The following EIF4G3 variants were observed in gnomAD, a reference collection of about 807,000 sequenced individuals.
The protein encoded by EIF4G3 is eIF-4-gamma 3.
A neutral mutation model predicts 186.4 loss-of-function variants in EIF4G3; 34 were observed. That is an observed-to-expected ratio of 0.18 (90% CI 0.14 to 0.24). The LOEUF is 0.24. EIF4G3 is among the 10% of genes least tolerant of loss of function. The pLI, the probability that EIF4G3 is intolerant of heterozygous loss-of-function variation, is 1.00. For missense variants in EIF4G3, 1,536 were observed against 1,948.5 expected (o/e 0.79, Z 3.99); for synonymous variants, 673 against 679.5 (o/e 0.99, Z 0.15).
chr1:20,854,708 A>AATAT (rs1553222575), intron 26 of EIF4G3, among the ~76,000 whole-genome samples: 3 of 144,358 alleles, frequency 2.1e-5, no homozygotes, highest in Non-Finnish European at 4.5e-5. Context: ...CCATCTCAAA[A>AATAT]ATATATAAAT....
chr1:20,888,690 T>C (rs932817301), intron 18 of EIF4G3, among the ~76,000 whole-genome samples: 3 of 152,146 alleles, frequency 2.0e-5, no homozygotes, highest in Admixed American at 1.3e-4. Context: ...GAAAACATTA[T>C]TGTGATTATA....
chr1:20,863,378 TAAAAAAAAAA>T (rs3051243), intron 22 of EIF4G3, among the ~76,000 whole-genome samples: 63,249 of 102,552 alleles, frequency 0.62, 17,114 homozygotes, highest in East Asian at 0.89. Flanking sequence ...CTACAAAAAG[TAAAAAAAAAA>T]AAAAAAAAAA....
chr1:20,868,315 C>T (rs184064275), intron 20 of EIF4G3, among the ~76,000 whole-genome samples: 113 of 151,878 alleles, frequency 7.4e-4, no homozygotes, highest in African/African-American at 2.3e-3. Flanking sequence ...CTGAAAGCTG[C>T]GAAGTCCAAA....
chr1:21,154,424 C>T (rs1185320765), intron 2 of EIF4G3, among the ~76,000 whole-genome samples: 3 of 152,174 alleles, frequency 2.0e-5, no homozygotes, highest in African/African-American at 7.2e-5. Context: ...GCAAAACAAC[C>T]TGCAACATTC....
intron 2 of EIF4G3, among the ~76,000 whole-genome samples, chr1:21,112,788 A>G (rs1396980639): frequency 6.6e-6 from 1 of 152,204 alleles, no homozygotes; most frequent in Non-Finnish European, 1.5e-5. Context: ...TTTTCAGCAC[A>G]TTCTATGTTC....
chr1:20,921,354 C>G (rs1318298125), intron 14 of EIF4G3, among the ~76,000 whole-genome samples: 1 of 152,112 alleles, frequency 6.6e-6, no homozygotes, highest in African/African-American at 2.4e-5. Context: ...CAAGGTTAGG[C>G]AAAGAGAAAA....
At chr1:21,039,629 C>A (rs2154574879) in intron 4 of EIF4G3, among the ~76,000 whole-genome samples, 1 of 152,268 alleles carries the variant, frequency 6.6e-6, no homozygotes, top group Admixed American at 6.5e-5. Context: ...ACACCCTGAA[C>A]TCCAGACTGG....
chr1:21,105,921 G>C (rs903087188), intron 2 of EIF4G3, among the ~76,000 whole-genome samples: 3 of 152,158 alleles, frequency 2.0e-5, no homozygotes, highest in African/African-American at 7.2e-5. Flanking sequence ...TAAAAAATTA[G>C]CTGGGCATGG....
At chr1:20,815,577 C>T (rs1345636682) in intron 34 of EIF4G3, among the ~76,000 whole-genome samples, 1 of 151,952 alleles carries the variant, frequency 6.6e-6, no homozygotes, top group East Asian at 1.9e-4. Context: ...GGGAGCCCCT[C>T]CGTCCGGCAG....
chr1:21,062,572 T>C (rs961376615), intron 3 of EIF4G3, among the ~76,000 whole-genome samples: 5 of 152,052 alleles, frequency 3.3e-5, no homozygotes, highest in Admixed American at 6.5e-5. Context: ...TCCACAGATA[T>C]AGATATAGAT....
chr1:20,895,342 T>C, intron 17 of EIF4G3, 26 bp downstream of exon 17: 1 of 1,600,366 alleles, frequency 6.2e-7, no homozygotes, highest in South Asian at 1.1e-5. Flanking sequence ...CAAAAAGAAC[T>C]AGTTTTCTCT....
chr1:21,107,905 T>TG (rs1360032291), intron 2 of EIF4G3, among the ~76,000 whole-genome samples: 2 of 152,234 alleles, frequency 1.3e-5, no homozygotes, highest in African/African-American at 4.8e-5. Flanking sequence ...CCCAGAACTT[T>TG]GGGAGGCCAA....
Position 21,118,557 on chromosome 1 carries a change from C to T in EIF4G3, c.-271-29344G>A, listed in dbSNP as rs532809402. Among the ~76,000 whole-genome samples, 10 of 152,130 alleles carry T rather than the reference C, an allele frequency of 6.6e-5. 1 individual carries two copies. In the South Asian group the frequency reaches 1.5e-3, roughly 22 times the overall value. On this transcript the variant is annotated intron_variant, in intron 2 of 36. Transcript: ENST00000602326. ...AACCCAACACTTTGGGAGGCGGAGG[C>T]GGGCAGATCACTAAGGTCAGGAGCT...
At position 21,137,388 on chromosome 1, in the gene EIF4G3, C is replaced by T. The variant is rs183261307; in HGVS notation, c.-272+38787G>A. 1.9e-3 allele frequency among the ~76,000 whole-genome samples: 284 copies of T among 152,134 alleles called. 2 individuals are homozygous for T. The highest frequency in any genetic ancestry group is 0.014 in the Middle Eastern group (4 of 294). Reference sequence around the variant, plus strand: ...CTCAAACTCTGGCTTCAAGCGATCCCGCCTCAGCCTCCAAATTGTTGGATT... The same window carrying T: ...CTCAAACTCTGGCTTCAAGCGATCCTGCCTCAGCCTCCAAATTGTTGGATT... On this transcript the variant is annotated intron_variant, in intron 2 of 36. Transcript: ENST00000602326.
In EIF4G3 at chr1:20,853,575, C is replaced by T. The variant is rs368417199; in HGVS notation, c.3536G>A (p.Arg1179Gln). 27 of 1,612,770 alleles carry T rather than the reference C, an allele frequency of 1.7e-5. No individual in the cohort carries two copies. The highest frequency in any genetic ancestry group is 2.2e-5 in the Non-Finnish European group (26 of 1,179,048). Reference sequence around the variant, plus strand: ...GGGTTCTCACCTAGTTAAGGTCCTTCGGGAATCAAACTCTACAGGCGTGGA... The same window carrying T: ...GGGTTCTCACCTAGTTAAGGTCCTTTGGGAATCAAACTCTACAGGCGTGGA... ...TPSTPVEFDS[R>Q]RTLTSRGSMG... Residue 1179 changes from arginine to glutamine, a missense_variant, in exon 27 of 37, where the codon CGA becomes CAA. This residue lies in a region of EIF4G3 where 395 missense variants were observed against 498.9 expected (regional missense o/e 0.79). Transcript: ENST00000602326.
chr1:21,128,035 T>A (rs2097081882), intron 2 of EIF4G3, among the ~76,000 whole-genome samples: 1 of 151,584 alleles, frequency 6.6e-6, no homozygotes, highest in Admixed American at 6.6e-5. Context: ...AAACCCCATC[T>A]CTAATAAAAA....
chr1:21,015,593 T>C (rs2088717739), intron 4 of EIF4G3, among the ~76,000 whole-genome samples: 1 of 152,000 alleles, frequency 6.6e-6, no homozygotes, highest in African/African-American at 2.4e-5. Context: ...AACCTGTCTA[T>C]ACAAAAAACA....
chr1:20,831,631 A>C (rs1236506566), intron 30 of EIF4G3, among the ~76,000 whole-genome samples: 1 of 144,168 alleles, frequency 6.9e-6, no homozygotes, highest in African/African-American at 2.6e-5. Context: ...TTTATACTTT[A>C]AGTTTTAGGG....
chr1:20,992,781 CTA>C (rs1230693918), intron 7 of EIF4G3, among the ~76,000 whole-genome samples: 1 of 152,144 alleles, frequency 6.6e-6, no homozygotes, highest in Non-Finnish European at 1.5e-5. Context: ...CACTTGATCT[CTA>C]TTGTGAAACC....
Sources: allele counts gnomAD v4.1 joint callset (sites outside exome capture counted in the v4.1 genomes callset), GRCh38; gene constraint gnomAD v4.1.1; regional missense constraint gnomAD v4.1.1; transcripts MANE v1.5; gene names NCBI Gene and HGNC (gene_info 2026-07-23, HGNC 2026-07-21).